The following SLC35F3 variants were observed in gnomAD, a reference collection of about 807,000 sequenced individuals.
SLC35F3 encodes the protein solute carrier family 35 member F3.
SLC35F3 carries 25 observed loss-of-function variants against 49.9 expected under a neutral mutation model. The observed-to-expected ratio is 0.50, with a 90% CI of 0.37 to 0.70. SLC35F3 has a LOEUF of 0.70. Ranked by LOEUF, SLC35F3 falls within the 30% of genes least tolerant of loss-of-function variation. SLC35F3 has a pLI of 0.00. For synonymous variants in SLC35F3, 275 were observed against 265.4 expected (o/e 1.04, Z -0.35); for missense variants, 525 against 639.8 (o/e 0.82, Z 1.94).
chr1:233,964,556 A>G (rs1662865790), intron 2 of SLC35F3, among the ~76,000 whole-genome samples: 1 of 152,220 alleles, frequency 6.6e-6, no homozygotes, highest in Non-Finnish European at 1.5e-5. Flanking sequence ...AATCCAGTAC[A>G]TGCTGTAAAG....
At chr1:234,313,618 A>G (rs1339114874) in intron 4 of SLC35F3, among the ~76,000 whole-genome samples, 2 of 152,072 alleles carry the variant, frequency 1.3e-5, no homozygotes, top group Non-Finnish European at 2.9e-5. Context: ...TGGGGGGGAC[A>G]GGACAGTGTA....
At chr1:234,162,778 G>A (rs1572076194) in intron 2 of SLC35F3, among the ~76,000 whole-genome samples, 1 of 152,196 alleles carries the variant, frequency 6.6e-6, no homozygotes, top group East Asian at 1.9e-4. Flanking sequence ...TGGCAGGATG[G>A]CAGATGATAA....
chr1:233,945,829 A>T (rs1662504583), intron 2 of SLC35F3, among the ~76,000 whole-genome samples: 1 of 152,208 alleles, frequency 6.6e-6, no homozygotes, highest in South Asian at 2.1e-4. Flanking sequence ...CATGATTGTG[A>T]GGCCTCCCCA....
At chr1:234,227,213 A>C (rs1048770177) in intron 2 of SLC35F3, among the ~76,000 whole-genome samples, 1 of 152,152 alleles carries the variant, frequency 6.6e-6, no homozygotes, top group Non-Finnish European at 1.5e-5. Context: ...ATTAGAATTT[A>C]AGGCACAAGA....
chr1:233,982,987 G>T (rs1218841003), intron 2 of SLC35F3, among the ~76,000 whole-genome samples: 2 of 152,196 alleles, frequency 1.3e-5, no homozygotes, highest in African/African-American at 2.4e-5. Flanking sequence ...ATGACCAGGA[G>T]CAGGCGCGTG....
chr1:234,108,671 G>T (rs1250492157), intron 2 of SLC35F3, among the ~76,000 whole-genome samples: 2 of 84,918 alleles, frequency 2.4e-5, no homozygotes, highest in South Asian at 5.3e-4. Flanking sequence ...ATATATAAAA[G>T]ATATATATAT....
chr1:234,175,291 C>A (rs1406361268), intron 2 of SLC35F3, among the ~76,000 whole-genome samples: 1 of 152,194 alleles, frequency 6.6e-6, no homozygotes, highest in Non-Finnish European at 1.5e-5. Context: ...TAACTATTTT[C>A]TTCTCTCGCA....
intron 2 of SLC35F3, among the ~76,000 whole-genome samples, chr1:234,142,332 G>T (rs749669907): frequency 6.6e-6 from 1 of 152,178 alleles, no homozygotes; most frequent in Non-Finnish European, 1.5e-5. Context: ...TGCACTAAAG[G>T]TTGGCTTCCC....
chr1:234,181,338 G>GAAAAAAAAAAAAAAAAAAAAAAAAAAAAA (rs34757532), intron 2 of SLC35F3, among the ~76,000 whole-genome samples: 4 of 97,308 alleles, frequency 4.1e-5, no homozygotes, highest in Non-Finnish European at 8.4e-5. Context: ...TCTGTCTCAA[G>GAAAAAAAAAAAAAAAAAAAAAAAAAAAAA]AAAAAAAAAA....
chr1:234,084,091 A>G (rs1326990673), intron 2 of SLC35F3, among the ~76,000 whole-genome samples: 1 of 152,028 alleles, frequency 6.6e-6, no homozygotes, highest in African/African-American at 2.4e-5. Context: ...TGCCTGCCTC[A>G]GCCTGCCAAA....
chr1:234,129,792 G>A (rs1665705295), intron 2 of SLC35F3, among the ~76,000 whole-genome samples: 1 of 152,032 alleles, frequency 6.6e-6, no homozygotes, highest in Non-Finnish European at 1.5e-5. Context: ...TTTGACAAAG[G>A]CACCAATACA....
At chr1:234,135,635 C>T (rs1327625831) in intron 2 of SLC35F3, among the ~76,000 whole-genome samples, 5 of 152,214 alleles carry the variant, frequency 3.3e-5, no homozygotes, top group African/African-American at 4.8e-5. Context: ...ATTGCTCCAG[C>T]GACAAGCTGG....
At position 233,942,256 on chromosome 1, in the gene SLC35F3, C is replaced by T. The variant is rs114787858; in HGVS notation, c.283+36498C>T. Among the ~76,000 whole-genome samples, 1,285 of 151,820 alleles carry T rather than the reference C, an allele frequency of 8.5e-3. 15 individuals carry two copies. Among genetic ancestry groups the T allele is most frequent in the African/African-American group, 0.029 (1,196 of 41,434 alleles). The stretch of plus-strand genomic sequence containing the variant: ...GATTACAGGTGTGAGCCACCGTGCC[C>T]GGCATACAGCCTCTTTTAAAGAAAG... On this transcript the variant is annotated intron_variant, in intron 2 of 7. Transcript: ENST00000366618.
intron 4 of SLC35F3, among the ~76,000 whole-genome samples, chr1:234,312,497 G>T (rs1000999714): frequency 6.6e-6 from 1 of 152,150 alleles, no homozygotes; most frequent in Non-Finnish European, 1.5e-5. Context: ...CTGGTATCTG[G>T]TCCTGACTCC....
chr1:234,068,857 G>A (rs1303182043), intron 2 of SLC35F3, among the ~76,000 whole-genome samples: 22 of 50,010 alleles, frequency 4.4e-4, no homozygotes, highest in African/African-American at 5.9e-4. Context: ...ATATATATAT[G>A]GCATATTTAT....
Position 234,214,315 on chromosome 1 carries a change from A to C in SLC35F3, c.284-17102A>C, listed in dbSNP as rs1281709812. 1 of 1,301,702 alleles carries C rather than the reference A, an allele frequency of 7.7e-7. No homozygotes were observed. The highest frequency in any genetic ancestry group is 3.2e-5 in the East Asian group (1 of 30,932). 80.6% of individuals were successfully genotyped at this position (1,301,702 alleles called of 1,614,324 possible). ...ATGTGCGCTGCAGGGCGGCCGCCGC[A>C]GTGAGCAACGCGGCAACCGGAGCCC... On this transcript the variant is annotated intron_variant, in intron 2 of 7. Coordinates refer to ENST00000366618, the MANE Select transcript of SLC35F3 (RefSeq NM_173508.4). This position sits in a 1 kb window ranked among gnomAD's most constrained non-coding sequence, Gnocchi z 8.0.
intron 2 of SLC35F3, among the ~76,000 whole-genome samples, chr1:234,120,696 CCTT>C (rs983891817): frequency 1.3e-5 from 2 of 152,232 alleles, no homozygotes; most frequent in Non-Finnish European, 2.9e-5. Context: ...CCCTTGGTCT[CCTT>C]CTTCTCAGCC....
chr1:233,905,449 G>T, intron 1 of SLC35F3, 80 bp from the exon 2 acceptor site: 1 of 1,097,796 alleles, frequency 9.1e-7, no homozygotes. Flanking sequence ...CTCGCCCTGG[G>T]ATCTGCTCCT....
At chr1:234,278,770 T>C (rs79788273) in intron 3 of SLC35F3, among the ~76,000 whole-genome samples, 9,153 of 152,164 alleles carry the variant, frequency 0.06, 327 homozygotes, top group African/African-American at 0.098. Context: ...TGTACCCTTA[T>C]GAGGCAGAGA....
Sources: allele counts gnomAD v4.1 joint callset (sites outside exome capture counted in the v4.1 genomes callset), GRCh38; gene constraint gnomAD v4.1.1; non-coding constraint Gnocchi (gnomAD v3.1); transcripts MANE v1.5; gene names NCBI Gene and HGNC (gene_info 2026-07-23, HGNC 2026-07-21).